Variants in KIAA1217 observed in about 807,000 individuals in gnomAD.
KIAA1217 encodes sickle tail protein homolog.
Under a neutral mutation model 163.9 loss-of-function variants are expected in KIAA1217, and 88 were observed. The observed-to-expected ratio is 0.54, with a 90% confidence interval of 0.45 to 0.64. The LOEUF (loss-of-function observed/expected upper bound fraction) is 0.64, where lower values mean the gene tolerates loss of function less well. Ranked by LOEUF, KIAA1217 falls within the 30% of genes least tolerant of loss-of-function variation. The probability of loss-of-function intolerance (pLI) is 0.00; values close to 1 mark genes in which losing one functional copy is unlikely to be tolerated. For synonymous variants in KIAA1217, 903 were observed against 923.1 expected, an observed-to-expected ratio of 0.98 and a Z score of 0.39; for missense variants, 2,372 against 2,475.0, an observed-to-expected ratio of 0.96 and a Z score of 0.88.
chr10:23,975,322 T>A (rs1032783889), intron 1 of KIAA1217, among the ~76,000 whole-genome samples: 2 of 152,110 alleles, frequency 1.3e-5, no homozygotes, highest in South Asian at 4.1e-4. Context: ...TTCAGGGAAA[T>A]GCTTGGCTGG....
At chr10:24,391,190 G>A (rs1403186367) in intron 3 of KIAA1217, among the ~76,000 whole-genome samples, 1 of 152,162 alleles carries the variant, frequency 6.6e-6, no homozygotes, top group African/African-American at 2.4e-5. Flanking sequence ...AGGAGAAGAT[G>A]TGATGAATGA....
intron 2 of KIAA1217, among the ~76,000 whole-genome samples, chr10:24,181,118 A>ATGG (rs1307683545): frequency 2.0e-4 from 31 of 152,358 alleles, no homozygotes; most frequent in Admixed American, 3.9e-4. Flanking sequence ...TCTGGCAGAC[A>ATGG]TGGTCCCTGT....
intron 2 of KIAA1217, among the ~76,000 whole-genome samples, chr10:24,030,114 G>C (rs1199275404): frequency 6.6e-6 from 1 of 152,132 alleles, no homozygotes; most frequent in Non-Finnish European, 1.5e-5. Context: ...ATGAAAATAT[G>C]AATTCAAATA....
chr10:24,167,358 A>G (rs953775396), intron 2 of KIAA1217, among the ~76,000 whole-genome samples: 6 of 151,878 alleles, frequency 4.0e-5, no homozygotes, highest in African/African-American at 1.2e-4. Context: ...CCAATGCCCT[A>G]TATTTGTCCT....
intron 1 of KIAA1217, among the ~76,000 whole-genome samples, chr10:23,703,701 AT>A (rs1564351010): frequency 2.0e-5 from 3 of 152,040 alleles, no homozygotes. Context: ...AAGAAAGGGT[AT>A]GTTTTCCTCT....
rs751052907 is a variant in KIAA1217, at chr10:24,495,219, G to A, written c.1834+23G>A. On this transcript the variant is annotated intron_variant, in intron 8 of 20. Coordinates refer to ENST00000376454, the MANE Select transcript of KIAA1217 (RefSeq NM_019590.5). ...CAGGTAAGTAAGTGTTTTTGGAGCT[G>A]TAGGAGGCCTGTGGGCTGCCTGGGA... 2.9e-5 allele frequency: 47 copies of A among 1,605,502 alleles called. No homozygotes were observed. The South Asian group carries it at 3.6e-4, about 12-fold the overall frequency.
intron 1 of KIAA1217, among the ~76,000 whole-genome samples, chr10:23,895,644 A>G (rs1841651128): frequency 6.6e-6 from 1 of 152,130 alleles, no homozygotes; most frequent in African/African-American, 2.4e-5. Context: ...ATTACTGGGT[A>G]TATACCCAAA....
At chr10:24,108,098 C>G (rs1025235374) in intron 2 of KIAA1217, among the ~76,000 whole-genome samples, 1 of 152,082 alleles carries the variant, frequency 6.6e-6, no homozygotes, top group Non-Finnish European at 1.5e-5. Context: ...GTTCCAGAAG[C>G]CTGCACTTGT....
At chr10:23,780,627 T>C (rs1835214600) in intron 1 of KIAA1217, among the ~76,000 whole-genome samples, 1 of 152,194 alleles carries the variant, frequency 6.6e-6, no homozygotes, top group Admixed American at 6.5e-5. Context: ...AATAGCAAGA[T>C]CTTCTTTCTT....
At chr10:23,830,743 T>C (rs141958141) in intron 1 of KIAA1217, among the ~76,000 whole-genome samples, 2 of 151,296 alleles carry the variant, frequency 1.3e-5, no homozygotes, top group East Asian at 1.9e-4. Context: ...GATAGACAGA[T>C]AGATGATTGC....
At chr10:23,733,602 C>A (rs1447789122) in intron 1 of KIAA1217, among the ~76,000 whole-genome samples, 1 of 150,238 alleles carries the variant, frequency 6.7e-6, no homozygotes, top group African/African-American at 2.5e-5. Context: ...TTTTAAAATT[C>A]ATATTATTTT....
At chr10:24,030,568 G>A (rs928878920) in intron 2 of KIAA1217, among the ~76,000 whole-genome samples, 4 of 152,082 alleles carry the variant, frequency 2.6e-5, no homozygotes, top group Admixed American at 6.6e-5. Context: ...GTAGCGGTGT[G>A]AAAAAGGACT....
At chr10:23,935,131 A>G (rs1161448999) in intron 1 of KIAA1217, among the ~76,000 whole-genome samples, 2 of 152,184 alleles carry the variant, frequency 1.3e-5, no homozygotes, top group Admixed American at 6.5e-5. Flanking sequence ...AGTGATGTAC[A>G]TAAGTACAGT....
At chr10:23,920,576 T>G (rs1252101532) in intron 1 of KIAA1217, among the ~76,000 whole-genome samples, 1 of 152,188 alleles carries the variant, frequency 6.6e-6, no homozygotes, top group Non-Finnish European at 1.5e-5. Flanking sequence ...TTGAAGACAT[T>G]AAGGCTAATT....
chr10:24,177,928 G>C (rs951050810), intron 2 of KIAA1217, among the ~76,000 whole-genome samples: 1 of 152,228 alleles, frequency 6.6e-6, no homozygotes, highest in African/African-American at 2.4e-5. Context: ...AGGAGCATCT[G>C]TTTGCTGGAT....
chr10:23,781,875 C>T (rs1211024656), intron 1 of KIAA1217, among the ~76,000 whole-genome samples: 1 of 152,068 alleles, frequency 6.6e-6, no homozygotes, highest in Non-Finnish European at 1.5e-5. Flanking sequence ...AATTTGTTGA[C>T]TATATATGCA....
intron 1 of KIAA1217, among the ~76,000 whole-genome samples, chr10:23,700,663 A>G (rs1380175932): frequency 6.6e-6 from 1 of 152,222 alleles, no homozygotes; most frequent in African/African-American, 2.4e-5. Context: ...CATCTAAGTA[A>G]CTTTGAACTT....
At chr10:23,883,486 C>A (rs1450646413) in intron 1 of KIAA1217, among the ~76,000 whole-genome samples, 1 of 151,864 alleles carries the variant, frequency 6.6e-6, no homozygotes, top group Non-Finnish European at 1.5e-5. Flanking sequence ...TTTAGAGCAG[C>A]TTTAGGTTCA....
intron 1 of KIAA1217, among the ~76,000 whole-genome samples, chr10:23,750,152 T>C (rs1389884988): frequency 6.6e-6 from 1 of 152,204 alleles, no homozygotes; most frequent in African/African-American, 2.4e-5. Context: ...AGATATCTAT[T>C]CTTAATTCCA....
Sources: allele counts gnomAD v4.1 joint callset (sites outside exome capture counted in the v4.1 genomes callset), GRCh38; gene constraint gnomAD v4.1.1; transcripts MANE v1.5; gene names NCBI Gene and HGNC (gene_info 2026-07-23, HGNC 2026-07-21).